The following UTP20 variants were observed in gnomAD, a reference collection of about 807,000 sequenced individuals.
UTP20 encodes the protein UTP20 small subunit processome component.
UTP20 carries 164 observed loss-of-function variants against 329.5 expected under a neutral mutation model. The observed-to-expected ratio is 0.50, with a 90% CI of 0.44 to 0.57. The LOEUF (loss-of-function observed/expected upper bound fraction) is 0.57. Among genes scored for constraint, UTP20 ranks in the 20% least tolerant of loss-of-function variants. UTP20 has a pLI of 0.00. For missense variants in UTP20, 3,055 were observed against 3,284.2 expected, an observed-to-expected ratio of 0.93 and a Z score of 1.71; for synonymous variants, 1,151 against 1,159.3, an observed-to-expected ratio of 0.99 and a Z score of 0.14.
intron 8 of UTP20, 184 bp downstream of exon 8, chr12:101,291,072 T>C (rs1872130640): frequency 3.7e-6 from 2 of 533,890 alleles, no homozygotes; most frequent in Non-Finnish European, 6.0e-6. Context: ...TGATATGTTA[T>C]CTTGAGATGC....
In UTP20 at chr12:101,312,112, T is replaced by A; in HGVS notation, c.2388T>A (p.Asp796Glu). The part of the protein sequence containing the change: ...DESWEQTQEG[D>E]VGALYHEQLA... ...GTTGGGAGCAGACCCAGGAAGGAGA[T>A]GTTGGAGCTCTTTATCATGAGCAGT... Residue 796 changes from aspartate to glutamate, a missense_variant, in exon 21 of 62, where the codon GAT (aspartate) becomes GAA (glutamate). Around this residue, in one of 3 missense-constraint regions of UTP20, gnomAD observed 2,445 missense variants for 2,575.5 expected, o/e 0.95. Coordinates refer to ENST00000261637, the MANE Select transcript of UTP20 (RefSeq NM_014503.3). 1 of 1,614,218 alleles carries A rather than the reference T, an allele frequency of 6.2e-7. No individual in the cohort carries two copies. The highest frequency in any genetic ancestry group is 8.5e-7 in the Non-Finnish European group (1 of 1,180,038).
intron 43 of UTP20, among the ~76,000 whole-genome samples, chr12:101,358,226 T>G (rs1265964574): frequency 1.3e-5 from 2 of 152,188 alleles, no homozygotes; most frequent in African/African-American, 4.8e-5. Context: ...TTACCATATA[T>G]TTCAATAGTC....
At position 101,368,066 on chromosome 12, in the gene UTP20, A is replaced by G. The variant is rs879088179; in HGVS notation, c.6384+90A>G. 1.2e-4 allele frequency: 107 copies of G among 918,444 alleles called. 2 individuals carry two copies. The South Asian group carries it at 1.6e-3, about 14-fold the overall frequency. 56.9% of individuals were successfully genotyped at this position (918,444 alleles called of 1,614,324 possible). ...ATACCTAATGGTTGTATTTGGGCTC[A>G]AGCTTTATGAGATGATTGAGGTGTT... is the stretch of plus-strand genomic sequence containing the variant. On this transcript the variant is annotated intron_variant, in intron 48 of 61. Transcript: ENST00000261637.
In UTP20 at chr12:101,340,620, C is replaced by T; in HGVS notation, c.4101+10C>T. 6.4e-7 allele frequency: 1 copy of T among 1,574,630 alleles called. No homozygotes were observed. The highest frequency in any genetic ancestry group is 1.1e-5 in the South Asian group (1 of 88,728). Reference sequence around the variant, plus strand: ...TGGCAATATTGCTGAGGTACAAACTCATAGGACACTTAACTTTGTCTCTAG... The same window carrying T: ...TGGCAATATTGCTGAGGTACAAACTTATAGGACACTTAACTTTGTCTCTAG... On this transcript the variant is annotated intron_variant, in intron 32 of 61. Transcript: ENST00000261637.
rs770138687 is a variant in UTP20, at chr12:101,295,608, C to T, written c.1380C>T (p.Gly460=). The change falls in exon 12 of 62, where the codon GGC becomes GGT. Residue 460 remains glycine, a synonymous_variant. Coordinates refer to ENST00000261637, the MANE Select transcript of UTP20 (RefSeq NM_014503.3). ...ILNKAAPPTA[G]SMAIEKYPLV... is the part of the protein sequence containing the mutation. The stretch of plus-strand genomic sequence containing the variant: ...ACAAAGCAGCACCTCCCACTGCTGG[C>T]TCGATGGCAATTGAAAAGTACCCTC... 2 of 1,612,708 alleles carry T rather than the reference C, an allele frequency of 1.2e-6. No homozygotes were observed.
intron 38 of UTP20, among the ~76,000 whole-genome samples, chr12:101,350,616 G>T (rs1869484196): frequency 6.6e-6 from 1 of 152,074 alleles, no homozygotes. Flanking sequence ...CTCTCTTAGG[G>T]CAGGAGCAGC....
chr12:101,367,825 C>T, intron 47 of UTP20, 35 bp from the exon 48 acceptor site: 1 of 1,396,212 alleles, frequency 7.2e-7, no homozygotes, highest in Non-Finnish European at 1.0e-6. Flanking sequence ...GTCTAATGGG[C>T]AACTAATGTG....
intron 21 of UTP20, among the ~76,000 whole-genome samples, chr12:101,314,783 G>T (rs1353125464): frequency 6.6e-6 from 1 of 152,084 alleles, no homozygotes; most frequent in Non-Finnish European, 1.5e-5. Context: ...GGCAGAGAGG[G>T]AGCTGTTGTC....
At chr12:101,325,229 C>T (rs544644900) in intron 25 of UTP20, among the ~76,000 whole-genome samples, 1 of 152,306 alleles carries the variant, frequency 6.6e-6, no homozygotes, top group East Asian at 1.9e-4. Context: ...TACCACCTCT[C>T]TCAGAACCCA....
chr12:101,383,240 T>C lies in UTP20; in HGVS notation c.7856T>C (p.Leu2619Pro), dbSNP rs1241590244. ...GAAGAGCTCGGCAGGCCGGCCACGCTGCTGTGGTTGATCCAGAAGCTGTCC... is the reference window on the plus strand; with the variant it reads ...GAAGAGCTCGGCAGGCCGGCCACGCCGCTGTGGTTGATCCAGAAGCTGTCC... The part of the protein sequence containing the change: ...VKEELGRPAT[L>P]LWLIQKLSRI... The change falls in exon 59 of 62, where the codon CTG becomes CCG. Residue 2619 changes from leucine to proline, a missense_variant. By Grantham distance (98) the Leu-to-Pro change is moderately conservative. This residue lies in a region of UTP20 where 337 missense variants were observed against 345.5 expected (regional missense o/e 0.98). Transcript: ENST00000261637. 2 of 1,614,204 alleles carry C rather than the reference T, an allele frequency of 1.2e-6. No individual in the cohort carries two copies. Among genetic ancestry groups the C allele is most frequent in the South Asian group, 1.1e-5 (1 of 91,080 alleles).
chr12:101,329,881 T>C (rs1263196687), intron 27 of UTP20, among the ~76,000 whole-genome samples: 1 of 151,472 alleles, frequency 6.6e-6, no homozygotes, highest in Non-Finnish European at 1.5e-5. Context: ...AGTGCACACC[T>C]GTACTCAGGA....
Position 101,385,972 on chromosome 12 carries a change from T to C in UTP20, c.8207T>C (p.Val2736Ala), listed in dbSNP as rs975315153. The change falls in exon 62 of 62, where the codon GTA (valine) becomes GCA (alanine). Residue 2736 changes from valine (V) to alanine (A), a missense_variant. Val to Ala is a moderately conservative substitution (Grantham distance 64). This residue lies in a region of UTP20 where 337 missense variants were observed against 345.5 expected (regional missense o/e 0.98). Transcript: ENST00000261637. Reference sequence around the variant, plus strand: ...AATTTCTATTCTCTTTTCCAGTTTGTAACTAATCCTGATATTGCTGCCAAG... The same window carrying C: ...AATTTCTATTCTCTTTTCCAGTTTGCAACTAATCCTGATATTGCTGCCAAG... The part of the protein sequence containing the change: ...LRKKRKALEF[V>A]TNPDIAAKKK... 5 of 1,570,484 alleles carry C rather than the reference T, an allele frequency of 3.2e-6. No individual in the cohort carries two copies. In the African/African-American group the frequency reaches 6.9e-5, roughly 22 times the overall value.
chr12:101,291,578 A>C (rs964075660), intron 8 of UTP20, among the ~76,000 whole-genome samples, 164 bp from the exon 9 acceptor site: 1 of 151,014 alleles, frequency 6.6e-6, no homozygotes, highest in Admixed American at 6.6e-5. Context: ...AGAACAATGC[A>C]CTCAGCCAAT....
At chr12:101,307,822 G>A (rs544157576) in intron 17 of UTP20, among the ~76,000 whole-genome samples, 10 of 152,214 alleles carry the variant, frequency 6.6e-5, no homozygotes, top group Admixed American at 2.0e-4. Flanking sequence ...ATCCTTATAC[G>A]GATATGTTTA....
At chr12:101,346,369 G>A (rs1869323793) in intron 37 of UTP20, 82 bp from the exon 38 acceptor site, 2 of 1,455,440 alleles carry the variant, frequency 1.4e-6, no homozygotes, top group Admixed American at 4.9e-5. Flanking sequence ...ATCTTTTTAT[G>A]AAAAGAGAAT....
Position 101,353,065 on chromosome 12 carries a change from A to C in UTP20, c.5043A>C (p.Leu1681Phe). 1.3e-6 allele frequency: 2 copies of C among 1,594,128 alleles called. No homozygotes were observed. Among genetic ancestry groups the C allele is most frequent in the Non-Finnish European group, 1.7e-6 (2 of 1,166,870 alleles). The change falls in exon 40 of 62, where the codon TTA (leucine) becomes TTC (phenylalanine). Residue 1681 changes from leucine to phenylalanine, a missense_variant. Physicochemically the swap from Leu to Phe is conservative, Grantham distance 22. Around this residue, in one of 3 missense-constraint regions of UTP20, gnomAD observed 2,445 missense variants for 2,575.5 expected, o/e 0.95. Coordinates refer to ENST00000261637, the MANE Select transcript of UTP20 (RefSeq NM_014503.3). The part of the protein sequence containing the change: ...KLGVSLLVIV[L>F]EAFHFDHKTL... ...TTAACAGTTTGCTAGTAATAGTGTT[A>C]GAAGCATTCCACTTTGACCACAAAA...
rs760435111 is a variant in UTP20 at position 101,306,787 on chromosome 12, GT to G, written c.1995+30del. ...GTATTTTAACTGTTTGAGTGGATAG[GT>G]TTTAAAAAAATATAGTTTTACATAT... On this transcript the variant is annotated intron_variant, in intron 17 of 61. Transcript: ENST00000261637. The G allele has an allele frequency of 5.1e-6, 8 of 1,564,886 alleles. No homozygotes were observed. The South Asian group carries it at 8.5e-5, about 17-fold the overall frequency.
rs1470261642 is a variant in UTP20, at chr12:101,281,159, T to C, written c.89T>C (p.Ile30Thr). 2 of 1,613,410 alleles carry C rather than the reference T, an allele frequency of 1.2e-6. No individual in the cohort carries two copies. Among genetic ancestry groups the C allele is most frequent in the South Asian group, 1.1e-5 (1 of 90,956 alleles). ...CGACTGGGGAATGTTAATATTGATA[T>C]TATTCACCGGATTGATAGAACTGCA... Reference protein sequence around the residue: ...AERLGNVNIDIIHRIDRTASY... With the variant: ...AERLGNVNIDTIHRIDRTASY... The change falls in exon 2 of 62, where the codon ATT becomes ACT. Residue 30 changes from isoleucine (I) to threonine (T), a missense_variant. This residue lies in a region of UTP20 where 2,445 missense variants were observed against 2,575.5 expected (regional missense o/e 0.95). Transcript: ENST00000261637.
intron 53 of UTP20, 28 bp from the exon 54 acceptor site, chr12:101,373,557 G>C: frequency 6.2e-7 from 1 of 1,611,332 alleles, no homozygotes; most frequent in Non-Finnish European, 8.5e-7. Context: ...TCCACTCTGA[G>C]TGCTCACACG....
Sources: gnomAD v4.1 joint callset for allele counts (sites outside exome capture counted in the v4.1 genomes callset) on GRCh38, gnomAD v4.1.1 for gene constraint, gnomAD v4.1.1 regional missense constraint, MANE v1.5 for transcripts, NCBI Gene and HGNC (gene_info 2026-07-23, HGNC 2026-07-21) for gene names.